TBX1: variants seen among roughly 807,000 people sequenced by gnomAD.
TBX1 encodes T-box transcription factor 1.
Under a neutral mutation model 40.8 loss-of-function variants are expected in TBX1, and 16 were observed. The observed-to-expected ratio is 0.39, with a 90% CI of 0.27 to 0.60. The LOEUF (loss-of-function observed/expected upper bound fraction) is 0.60. Ranked by LOEUF, TBX1 falls within the 20% of genes least tolerant of loss-of-function variation. The pLI is 0.51. For synonymous variants in TBX1, 403 were observed against 336.8 expected, an observed-to-expected ratio of 1.20 and a Z score of -2.15; for missense variants, 755 against 728.5, an observed-to-expected ratio of 1.04 and a Z score of -0.42.
downstream of TBX1, chr22:19,782,846 A>G: frequency 1.2e-6 from 2 of 1,613,460 alleles, no homozygotes; most frequent in Non-Finnish European, 8.5e-7. Context: ...TATTTGATAA[A>G]GGCCACAAAC....
intron 8 of TBX1, among the ~76,000 whole-genome samples, chr22:19,777,339 C>G (rs536615166): frequency 1.4e-4 from 22 of 152,076 alleles, no homozygotes; most frequent in African/African-American, 5.1e-4. Flanking sequence ...CGATAGTTTG[C>G]TGAGAATGAT....
intron 1 of TBX1, among the ~76,000 whole-genome samples, chr22:19,762,032 G>A (rs1404637934): frequency 4.6e-5 from 7 of 152,278 alleles, no homozygotes; most frequent in Admixed American, 3.9e-4. Context: ...CAGCCAAGGG[G>A]AGCTCAGGGC....
At chr22:19,757,424 G>A (rs1431020292), upstream of TBX1, among the ~76,000 whole-genome samples, 1 of 152,158 alleles carries the variant, frequency 6.6e-6, no homozygotes, top group African/African-American at 2.4e-5. Flanking sequence ...AGGCCCCAGG[G>A]TTTTTCACTT....
At chr22:19,766,220 G>T in intron 6 of TBX1, 169 bp from the exon 7 acceptor site, 1 of 1,038,478 alleles carries the variant, frequency 9.6e-7, no homozygotes, top group Non-Finnish European at 1.2e-6. Flanking sequence ...GCGGGCCCCG[G>T]GGAGGGCTCG....
At position 19,766,669 on chromosome 22, in the gene TBX1, G is replaced by C; in HGVS notation, c.1317G>C (p.Lys439Asn). 6.4e-7 allele frequency: 1 copy of C among 1,551,142 alleles called. No individual in the cohort carries two copies. The highest frequency in any genetic ancestry group is 2.6e-5 in the East Asian group (1 of 39,062). Residue 439 changes from lysine (K) to asparagine (N), a missense_variant, in exon 7 of 7, where the codon AAG (lysine) becomes AAC (asparagine). Physicochemically the swap from Lys to Asn is moderately conservative, Grantham distance 94. Transcript: ENST00000649276. ...AAAYDHYLGA[K>N]SRPAPYPLPG... Reference sequence around the variant, plus strand: ...CCTACGACCACTATCTCGGGGCCAAGAGCCGGCCGGCGCCCTACCCGCTGC... The same window carrying C: ...CCTACGACCACTATCTCGGGGCCAACAGCCGGCCGGCGCCCTACCCGCTGC...
chr22:19,765,736 G>GT, intron 4 of TBX1, 22 bp from the exon 5 acceptor site: 1 of 1,607,836 alleles, frequency 6.2e-7, no homozygotes. Context: ...CCAGCGGCTT[G>GT]CTCACACCCA....
intron 8 of TBX1, among the ~76,000 whole-genome samples, chr22:19,778,102 C>T (rs1937094487): frequency 6.6e-6 from 1 of 151,688 alleles, no homozygotes; most frequent in Non-Finnish European, 1.5e-5. Flanking sequence ...CATTCCTGCT[C>T]ATTTCAAGAG....
intron 8 of TBX1, among the ~76,000 whole-genome samples, chr22:19,777,304 T>C (rs1439225527): frequency 6.6e-6 from 1 of 150,846 alleles, no homozygotes; most frequent in Non-Finnish European, 1.5e-5. Context: ...AGTGAGAACA[T>C]GCGGTGTTTG....
At chr22:19,779,396 C>A (rs753046301) in exon 9 of TBX1, 13 of 1,614,148 alleles carry the variant, frequency 8.1e-6, no homozygotes, top group Middle Eastern at 1.6e-4. Flanking sequence ...CGCAGGTGAC[C>A]GTCTTTGTTG....
At chr22:19,776,217 C>T (rs576346828) in intron 8 of TBX1, among the ~76,000 whole-genome samples, 3 of 152,206 alleles carry the variant, frequency 2.0e-5, no homozygotes, top group East Asian at 1.9e-4. Flanking sequence ...CGTGTCTGCC[C>T]GTGGTCTCCC....
upstream of TBX1, chr22:19,759,416 G>C: frequency 7.8e-7 from 1 of 1,286,528 alleles, no homozygotes; most frequent in Non-Finnish European, 9.9e-7. Flanking sequence ...CCCGGACTCC[G>C]TGGGCTGGGC....
At chr22:19,768,760 GA>G (rs1354733047), downstream of TBX1, among the ~76,000 whole-genome samples, 1 of 152,064 alleles carries the variant, frequency 6.6e-6, no homozygotes, top group Non-Finnish European at 1.5e-5. Flanking sequence ...CTAAAGGGAG[GA>G]AAAGCCCTCC....
intron 1 of TBX1, among the ~76,000 whole-genome samples, chr22:19,762,990 C>T (rs918277614): frequency 3.9e-5 from 6 of 152,200 alleles, no homozygotes; most frequent in Admixed American, 6.5e-5. Flanking sequence ...GGGGCTCCAG[C>T]GCTGGGCTGG....
chr22:19,759,243 G>A (rs1429276026), upstream of TBX1, among the ~76,000 whole-genome samples: 1 of 152,244 alleles, frequency 6.6e-6, no homozygotes, highest in East Asian at 1.9e-4. Flanking sequence ...TGGGAATGGA[G>A]GAAGGGGGCA....
upstream of TBX1, chr22:19,759,455 C>A (rs1936567221): frequency 5.7e-6 from 8 of 1,415,586 alleles, no homozygotes; most frequent in Middle Eastern, 2.6e-4. Flanking sequence ...GCTGGGCACA[C>A]GCAGTCGGAG....
downstream of TBX1, among the ~76,000 whole-genome samples, chr22:19,780,390 T>C (rs577201395): frequency 6.6e-6 from 1 of 152,348 alleles, no homozygotes; most frequent in East Asian, 1.9e-4. Context: ...GTGGCTGGCT[T>C]AGTTCACTGA....
chr22:19,776,037 C>T (rs927372529), intron 8 of TBX1, among the ~76,000 whole-genome samples: 6 of 152,156 alleles, frequency 3.9e-5, no homozygotes, highest in African/African-American at 7.2e-5. Context: ...CAAGTCCCAC[C>T]GGCTCCCGAG....
At chr22:19,765,695 G>A (rs529375396) in intron 4 of TBX1, 63 bp from the exon 5 acceptor site, 5 of 1,585,094 alleles carry the variant, frequency 3.2e-6, no homozygotes, top group Non-Finnish European at 4.3e-6. Context: ...CCTATCCTCC[G>A]CCGAGGTCGG....
chr22:19,759,897 C>G (rs1601280405), upstream of TBX1, among the ~76,000 whole-genome samples: 1 of 152,228 alleles, frequency 6.6e-6, no homozygotes, highest in Admixed American at 6.5e-5. Flanking sequence ...CTCAGGTATA[C>G]ACAGGCCCGG....
Sources: gnomAD v4.1 joint callset for allele counts (sites outside exome capture counted in the v4.1 genomes callset) on GRCh38, gnomAD v4.1.1 for gene constraint, MANE v1.5 for transcripts, NCBI Gene and HGNC (gene_info 2026-07-23, HGNC 2026-07-21) for gene names.